Variants in MEF2D observed in about 807,000 individuals in gnomAD.
The protein encoded by MEF2D is myocyte-specific enhancer factor 2D.
In MEF2D, 10 loss-of-function variants were observed where a neutral mutation model predicts 59.3. The observed-to-expected ratio is 0.17, with a 90% CI of 0.10 to 0.29. The LOEUF is 0.29. Ranked by LOEUF, MEF2D falls within the 10% of genes least tolerant of loss-of-function variation. The pLI is 1.00. For missense variants in MEF2D, 508 were observed against 699.4 expected, an observed-to-expected ratio of 0.73 and a Z score of 3.09; for synonymous variants, 305 against 295.0, an observed-to-expected ratio of 1.03 and a Z score of -0.35.
intron 1 of MEF2D, among the ~76,000 whole-genome samples, chr1:156,486,720 AT>A (rs760263284): frequency 2.3e-4 from 35 of 152,318 alleles, no homozygotes; most frequent in Non-Finnish European, 4.9e-4. Flanking sequence ...CTGTGCTTCT[AT>A]TTAACGCCTG....
chr1:156,475,445 A>G (rs1458618047), intron 8 of MEF2D, among the ~76,000 whole-genome samples: 1 of 152,216 alleles, frequency 6.6e-6, no homozygotes, highest in East Asian at 1.9e-4. Flanking sequence ...ACACAGATTC[A>G]CTGACACCAA....
At chr1:156,477,261 T>C in intron 6 of MEF2D, 59 bp from the exon 7 acceptor site, 2 of 1,450,936 alleles carry the variant, frequency 1.4e-6, no homozygotes, top group Non-Finnish European at 1.9e-6. Flanking sequence ...TTCAGCCCTA[T>C]TAACTTCCCC....
At chr1:156,497,132 T>C (rs935883202) in intron 1 of MEF2D, among the ~76,000 whole-genome samples, 17 of 152,194 alleles carry the variant, frequency 1.1e-4, no homozygotes, top group Admixed American at 7.9e-4. Context: ...TGATCATGGA[T>C]AGACAGAGTG....
At position 156,480,859 on chromosome 1, in the gene MEF2D, A is replaced by T. The variant is rs1224885286; in HGVS notation, c.371T>A (p.Leu124His). Reference protein sequence around the residue: ...EDKYRRASEELDGLFRRYGST... With the variant: ...EDKYRRASEEHDGLFRRYGST... The stretch of plus-strand genomic sequence containing the variant: ...CCCATAGCGCCGGAAGAGCCCGTCG[A>T]GCTCCTCGCTGGCGCGTCGGTACTT... The change falls in exon 4 of 12, where the codon CTC becomes CAC. Residue 124 changes from leucine (L) to histidine (H), a missense_variant. By Grantham distance (99) the Leu-to-His change is moderately conservative. Around this residue, in one of 2 missense-constraint regions of MEF2D, gnomAD observed 481 missense variants for 584.7 expected, o/e 0.82. Coordinates refer to ENST00000348159, the MANE Select transcript of MEF2D (RefSeq NM_005920.4). 4 of 1,600,404 alleles carry T rather than the reference A, an allele frequency of 2.5e-6. No homozygotes were observed. The highest frequency in any genetic ancestry group is 3.4e-6 in the Non-Finnish European group (4 of 1,173,840).
chr1:156,485,843 T>C (rs1211205944), intron 1 of MEF2D, among the ~76,000 whole-genome samples: 1 of 151,746 alleles, frequency 6.6e-6, no homozygotes, highest in African/African-American at 2.4e-5. Flanking sequence ...CTAATTTTTT[T>C]GACTTTTTTT....
At chr1:156,498,322 G>A (rs1434741362) in intron 1 of MEF2D, among the ~76,000 whole-genome samples, 1 of 152,040 alleles carries the variant, frequency 6.6e-6, no homozygotes, top group Non-Finnish European at 1.5e-5. Context: ...TTCAGGCATT[G>A]AGTACAGCAG....
intron 7 of MEF2D, 101 bp downstream of exon 7, chr1:156,476,911 C>T: frequency 7.2e-7 from 1 of 1,397,726 alleles, no homozygotes; most frequent in Non-Finnish European, 1.0e-6. Context: ...GAAGTCCTAA[C>T]TGCTGGCTAG....
At position 156,464,575 on chromosome 1, in the gene MEF2D, G is replaced by T. The variant is rs1017951306; in HGVS notation, c.*3070C>A. ...AGTTCTTCAGAGGGAGTGGGTGGAG[G>T]CGAATTTGGCTTGAGAGGAAGAAGA... is the stretch of plus-strand genomic sequence containing the variant. On this transcript the variant is annotated 3_prime_UTR_variant, in exon 12 of 12. Coordinates refer to ENST00000348159, the MANE Select transcript of MEF2D (RefSeq NM_005920.4). 3 of 152,176 alleles carry T rather than the reference G, an allele frequency of 2.0e-5. No individual in the cohort carries two copies. The highest frequency in any genetic ancestry group is 7.2e-5 in the African/African-American group (3 of 41,422). The allele number at this position is 152,176 out of a possible 1,614,324, so 9.4% of individuals were successfully genotyped here. A position where few individuals can be genotyped will look rare whatever the true frequency, so the allele number is the denominator to read the frequency against.
chr1:156,472,505 A>AC (rs1318972791), intron 9 of MEF2D, among the ~76,000 whole-genome samples: 1 of 152,224 alleles, frequency 6.6e-6, no homozygotes, highest in Non-Finnish European at 1.5e-5. Flanking sequence ...TTAACCTGCC[A>AC]CGAGGGGCTT....
intron 1 of MEF2D, among the ~76,000 whole-genome samples, chr1:156,494,147 T>C (rs544377099): frequency 1.3e-5 from 2 of 152,244 alleles, no homozygotes; most frequent in South Asian, 2.1e-4. Flanking sequence ...ACACACATGC[T>C]TTAAAGGGAA....
At chr1:156,487,286 G>A (rs1243113659) in intron 1 of MEF2D, among the ~76,000 whole-genome samples, 3 of 152,176 alleles carry the variant, frequency 2.0e-5, no homozygotes, top group African/African-American at 7.2e-5. Flanking sequence ...GAGAAGTCAG[G>A]GTTAAAAAGA....
chr1:156,482,856 T>C (rs1672109632), intron 2 of MEF2D, among the ~76,000 whole-genome samples: 1 of 152,178 alleles, frequency 6.6e-6, no homozygotes, highest in Non-Finnish European at 1.5e-5. Context: ...GCCCACTCAC[T>C]GAAGGGGCAG....
chr1:156,492,796 G>A (rs1354659901), intron 1 of MEF2D, among the ~76,000 whole-genome samples: 1 of 152,218 alleles, frequency 6.6e-6, no homozygotes, highest in Admixed American at 6.5e-5. Flanking sequence ...AGTGAAAGTG[G>A]CAGCTGGGGC....
chr1:156,477,414 C>T lies in MEF2D; in HGVS notation c.665-212G>A, dbSNP rs115270604. Among the ~76,000 whole-genome samples, 697 of 152,246 alleles carry T rather than the reference C, an allele frequency of 4.6e-3. 6 individuals are homozygous for T. Among genetic ancestry groups the T allele is most frequent in the African/African-American group, 0.016 (667 of 41,526 alleles). ...CCCCTTACTCCTGAATCTTTAGGTT[C>T]GTTCCCCTAACTCCAAGCTACATGT... On this transcript the variant is annotated intron_variant, in intron 6 of 11. Coordinates refer to ENST00000348159, the MANE Select transcript of MEF2D (RefSeq NM_005920.4).
At position 156,483,294 on chromosome 1, in the gene MEF2D, T is replaced by C. The variant is rs1327144454; in HGVS notation, c.-2A>G. On this transcript the variant is annotated 5_prime_UTR_variant, in exon 2 of 12. Coordinates refer to ENST00000348159, the MANE Select transcript of MEF2D (RefSeq NM_005920.4). ...GATCTGAATCTTTTTCCTCCCCATC[T>C]TCTCCGGGGGTCCTCAGTGCTACGG... The C allele has an allele frequency of 3.7e-6, 6 of 1,614,120 alleles. No individual in the cohort carries two copies. The highest frequency in any genetic ancestry group is 4.2e-6 in the Non-Finnish European group (5 of 1,179,992).
chr1:156,471,814 A>G (rs367755295), intron 9 of MEF2D, among the ~76,000 whole-genome samples: 74 of 152,366 alleles, frequency 4.9e-4, no homozygotes, highest in Middle Eastern at 6.8e-3. Context: ...TTACACACCT[A>G]GGGTCACCTG....
At chr1:156,483,914 G>C (rs1672179632) in intron 1 of MEF2D, among the ~76,000 whole-genome samples, 1 of 152,186 alleles carries the variant, frequency 6.6e-6, no homozygotes, top group South Asian at 2.1e-4. Context: ...TGGTGCCCCT[G>C]GCTCAAGAAC....
Position 156,480,800 on chromosome 1 carries a change from G to C in MEF2D, c.396+34C>G, listed in dbSNP as rs779892832. On this transcript the variant is annotated intron_variant, in intron 4 of 11. Coordinates refer to ENST00000348159, the MANE Select transcript of MEF2D (RefSeq NM_005920.4). ...CGCCTGGGGGGAAGGGGCCGGAAGGGGGGGCCAACAGAGACAGAGTGAGTG... is the reference window on the plus strand; with the variant it reads ...CGCCTGGGGGGAAGGGGCCGGAAGGCGGGGCCAACAGAGACAGAGTGAGTG... 2.5e-6 allele frequency: 4 copies of C among 1,595,786 alleles called. No individual in the cohort carries two copies. The South Asian group carries it at 3.4e-5, about 14-fold the overall frequency.
At position 156,468,537 on chromosome 1, in the gene MEF2D, A is replaced by G. The variant is rs911331799; in HGVS notation, c.1248-238T>C. Reference sequence around the variant, plus strand: ...TCCATCCCATGTCATCTTCTGCAACACAGGGCCCCCCACCTCCCACCCCCT... The same window carrying G: ...TCCATCCCATGTCATCTTCTGCAACGCAGGGCCCCCCACCTCCCACCCCCT... On this transcript the variant is annotated intron_variant, in intron 10 of 11. Coordinates refer to ENST00000348159, the MANE Select transcript of MEF2D (RefSeq NM_005920.4). This position sits in a 1 kb window ranked among gnomAD's most constrained non-coding sequence, Gnocchi z 4.3. 1.3e-5 allele frequency among the ~76,000 whole-genome samples: 2 copies of G among 152,096 alleles called. No individual in the cohort carries two copies. Among genetic ancestry groups the G allele is most frequent in the African/African-American group, 2.4e-5 (1 of 41,384 alleles).
Sources: allele counts gnomAD v4.1 joint callset (sites outside exome capture counted in the v4.1 genomes callset), GRCh38; gene constraint gnomAD v4.1.1; regional missense constraint gnomAD v4.1.1; non-coding constraint Gnocchi (gnomAD v3.1); transcripts MANE v1.5; gene names NCBI Gene and HGNC (gene_info 2026-07-23, HGNC 2026-07-21).